DTNBP1: variants seen among roughly 807,000 people sequenced by gnomAD.
DTNBP1 encodes dysbindin.
A neutral mutation model predicts 42.8 loss-of-function variants in DTNBP1; 35 were observed. The observed-to-expected ratio is 0.82, with a 90% CI of 0.63 to 1.09. DTNBP1 has a LOEUF of 1.09. DTNBP1 is among the 50% of genes least tolerant of loss of function. DTNBP1 has a pLI of 0.00. For synonymous variants in DTNBP1, 171 were observed against 162.2 expected (o/e 1.05, Z -0.41); for missense variants, 457 against 424.2 (o/e 1.08, Z -0.68).
intron 4 of DTNBP1, among the ~76,000 whole-genome samples, chr6:15,632,910 C>T (rs1759771979): frequency 6.6e-6 from 1 of 152,072 alleles, no homozygotes; most frequent in Admixed American, 6.6e-5. Context: ...TTTTATTATC[C>T]AATATTCATA....
rs568850564 is a variant in DTNBP1 at position 15,642,891 on chromosome 6, T to C, written c.162-5087A>G. ...TGAGAAGGAATCAATGCAAGAACTC[T>C]GGCAGTACAAAAAGCCAGGGTGTTC... On this transcript the variant is annotated intron_variant, in intron 3 of 9. Coordinates refer to ENST00000344537, the MANE Select transcript of DTNBP1 (RefSeq NM_032122.5). 1.6e-4 allele frequency among the ~76,000 whole-genome samples: 24 copies of C among 152,326 alleles called. No individual in the cohort carries two copies. The East Asian group carries it at 2.7e-3, about 17-fold the overall frequency.
chr6:15,601,752 A>G (rs574259278), intron 6 of DTNBP1, among the ~76,000 whole-genome samples: 1 of 152,002 alleles, frequency 6.6e-6, no homozygotes, highest in African/African-American at 2.4e-5. Context: ...AGGCTGAGGC[A>G]GGAGAATCAC....
intron 7 of DTNBP1, among the ~76,000 whole-genome samples, chr6:15,578,433 A>AAAGG (rs1358846446): frequency 6.6e-6 from 1 of 152,236 alleles, no homozygotes; most frequent in African/African-American, 2.4e-5. Flanking sequence ...AGAACTCAGG[A>AAAGG]AAGGATGTTA....
At chr6:15,617,531 G>T (rs1758779078) in intron 5 of DTNBP1, among the ~76,000 whole-genome samples, 1 of 151,660 alleles carries the variant, frequency 6.6e-6, no homozygotes, top group African/African-American at 2.4e-5. Flanking sequence ...AGACATGCTG[G>T]AACAGAACAG....
intron 4 of DTNBP1, among the ~76,000 whole-genome samples, chr6:15,629,476 A>G (rs1759561413): frequency 6.6e-6 from 1 of 152,228 alleles, no homozygotes; most frequent in South Asian, 2.1e-4. Flanking sequence ...CATACCTGCA[A>G]TAAAACTGAA....
chr6:15,548,067 C>T lies in DTNBP1; in HGVS notation c.512-14672G>A, dbSNP rs1030971150. 2.0e-5 allele frequency among the ~76,000 whole-genome samples: 3 copies of T among 152,196 alleles called. 1 individual carries two copies. The South Asian group carries it at 6.2e-4, about 32-fold the overall frequency. On this transcript the variant is annotated intron_variant, in intron 7 of 9. Coordinates refer to ENST00000344537, the MANE Select transcript of DTNBP1 (RefSeq NM_032122.5). ...ATGTTAACCATAAATTTCTATTAAT[C>T]GAAACTCTCAGACTCCAACAGTATA... is the stretch of plus-strand genomic sequence containing the variant.
intron 3 of DTNBP1, among the ~76,000 whole-genome samples, chr6:15,644,952 A>G (rs904555622): frequency 6.6e-6 from 1 of 152,008 alleles, no homozygotes; most frequent in Non-Finnish European, 1.5e-5. Flanking sequence ...TGAAATTGAG[A>G]CCAAAAAAAA....
intron 6 of DTNBP1, among the ~76,000 whole-genome samples, chr6:15,594,648 A>G (rs1322653796): frequency 6.6e-6 from 1 of 152,194 alleles, no homozygotes; most frequent in Non-Finnish European, 1.5e-5. Flanking sequence ...ATGTATCACA[A>G]GAGAATCTCA....
At chr6:15,601,698 T>G (rs1776734698) in intron 6 of DTNBP1, among the ~76,000 whole-genome samples, 1 of 150,134 alleles carries the variant, frequency 6.7e-6, no homozygotes, top group Non-Finnish European at 1.5e-5. Context: ...AAAAAAAAAT[T>G]AGCCAGGTGT....
chr6:15,588,394 G>A (rs187551577), intron 7 of DTNBP1, among the ~76,000 whole-genome samples: 6 of 152,120 alleles, frequency 3.9e-5, no homozygotes, highest in Middle Eastern at 3.4e-3. Context: ...CTCCCTATCC[G>A]GACTCTATCA....
intron 7 of DTNBP1, chr6:15,585,714 C>A: frequency 6.5e-7 from 1 of 1,534,954 alleles, no homozygotes. Context: ...TAAAGTTCCA[C>A]CTACAGGGAT....
At chr6:15,608,162 A>G (rs912680368) in intron 6 of DTNBP1, among the ~76,000 whole-genome samples, 1 of 152,032 alleles carries the variant, frequency 6.6e-6, no homozygotes, top group African/African-American at 2.4e-5. Flanking sequence ...AATTATTCCA[A>G]TATCACATAA....
chr6:15,607,575 T>C (rs1464401229), intron 6 of DTNBP1, among the ~76,000 whole-genome samples: 1 of 152,232 alleles, frequency 6.6e-6, no homozygotes, highest in Non-Finnish European at 1.5e-5. Flanking sequence ...GTCCTGGGAT[T>C]ATAGGTGTGA....
At chr6:15,650,577 C>G (rs1295579874) in intron 3 of DTNBP1, among the ~76,000 whole-genome samples, 1 of 152,132 alleles carries the variant, frequency 6.6e-6, no homozygotes, top group South Asian at 2.1e-4. Flanking sequence ...CCACCGCGAC[C>G]GGCCTCATTG....
rs190645587 is a variant in DTNBP1 at position 15,642,057 on chromosome 6, A to G, written c.162-4253T>C. On this transcript the variant is annotated intron_variant, in intron 3 of 9. Transcript: ENST00000344537. ...ACACAGCGTATTTCATGCATCTTGT[A>G]GCGGCTCCACCTCTACTGAAAGTGA... Among the ~76,000 whole-genome samples the G allele has an allele frequency of 5.6e-3, 855 of 152,236 alleles. 9 individuals carry two copies. Among genetic ancestry groups the G allele is most frequent in the Admixed American group, 0.026 (404 of 15,294 alleles).
intron 6 of DTNBP1, among the ~76,000 whole-genome samples, chr6:15,594,581 G>C (rs1022029498): frequency 6.6e-6 from 1 of 151,834 alleles, no homozygotes; most frequent in African/African-American, 2.4e-5. Flanking sequence ...AGCTAAATAT[G>C]CCTAAAACCT....
At position 15,585,721 on chromosome 6, in the gene DTNBP1, G is replaced by A. The variant is rs185855278; in HGVS notation, c.511+7338C>T. 4.2e-5 allele frequency: 64 copies of A among 1,534,996 alleles called. No homozygotes were observed. The African/African-American group carries it at 5.1e-4, about 12-fold the overall frequency. On this transcript the variant is annotated intron_variant, in intron 7 of 9. Transcript: ENST00000344537. ...ACAGAAAATAAAGTTCCACCTACAG[G>A]GATCCCTCTGACTATTTTCGGTGAG...
Position 15,581,713 on chromosome 6 carries a change from G to A in DTNBP1, c.511+11346C>T, listed in dbSNP as rs557931991. 2.0e-5 allele frequency among the ~76,000 whole-genome samples: 3 copies of A among 151,456 alleles called. No individual in the cohort carries two copies. The South Asian group carries it at 6.3e-4, about 32-fold the overall frequency. ...GGCTGTTCTTGAACTCCTGACCTCA[G>A]GTGATCCACCTGCCTTGGCCCCCCA... On this transcript the variant is annotated intron_variant, in intron 7 of 9. Transcript: ENST00000344537.
rs529375118 is a variant in DTNBP1 at position 15,552,991 on chromosome 6, T to C, written c.512-19596A>G. Among the ~76,000 whole-genome samples the C allele has an allele frequency of 2.6e-5, 4 of 152,324 alleles. No homozygotes were observed. In the East Asian group the frequency reaches 7.7e-4, roughly 29 times the overall value. ...GAAATACCCCCTTAAGGAAAAAGTTTCATCTAAGCTCAAACAATCATTTTA... is the reference window on the plus strand; with the variant it reads ...GAAATACCCCCTTAAGGAAAAAGTTCCATCTAAGCTCAAACAATCATTTTA... On this transcript the variant is annotated intron_variant, in intron 7 of 9. Transcript: ENST00000344537.
Sources: allele counts gnomAD v4.1 joint callset (sites outside exome capture counted in the v4.1 genomes callset), GRCh38; gene constraint gnomAD v4.1.1; transcripts MANE v1.5; gene names NCBI Gene and HGNC (gene_info 2026-07-23, HGNC 2026-07-21).